Variants in TAF2 observed in about 807,000 individuals in gnomAD.
TAF2 encodes the protein TATA-box binding protein associated factor 2.
TAF2 carries 61 observed loss-of-function variants against 138.5 expected under a neutral mutation model. The ratio of observed to expected loss-of-function variants is 0.44; its 90% CI spans 0.36 to 0.54. The LOEUF (loss-of-function observed/expected upper bound fraction) is 0.54. Among genes scored for constraint, TAF2 ranks in the 20% least tolerant of loss-of-function variants. The probability of loss-of-function intolerance (pLI) is 0.00; values close to 1 mark genes in which losing one functional copy is unlikely to be tolerated. For synonymous variants in TAF2, 475 were observed against 469.9 expected, an observed-to-expected ratio of 1.01 and a Z score of -0.14; for missense variants, 1,090 against 1,427.9, an observed-to-expected ratio of 0.76 and a Z score of 3.81.
At chr8:119,782,099 T>C (rs1161840272) in intron 16 of TAF2, among the ~76,000 whole-genome samples, 1 of 152,226 alleles carries the variant, frequency 6.6e-6, no homozygotes, top group Non-Finnish European at 1.5e-5. Flanking sequence ...GAATAGTCTG[T>C]CTTTATTCGT....
chr8:119,744,549 G>A (rs569268512), intron 23 of TAF2, 156 bp from the exon 24 acceptor site: 32 of 680,734 alleles, frequency 4.7e-5, no homozygotes, highest in Non-Finnish European at 7.4e-5. Flanking sequence ...GATATTAAGA[G>A]AAAGAAAAGA....
In TAF2 at chr8:119,795,389, C is replaced by T. The variant is rs563128232; in HGVS notation, c.1191+143G>A. 2.7e-4 allele frequency: 208 copies of T among 764,242 alleles called. 1 individual carries two copies. The African/African-American group carries it at 3.2e-3, about 12-fold the overall frequency. The allele number at this position is 764,242 out of a possible 1,614,324, so 47.3% of individuals were successfully genotyped here. Reference sequence around the variant, plus strand: ...GACAATGGAGATTAGATAAAATAGACCATTAGTCTTTCTCAGTAAATCAAT... The same window carrying T: ...GACAATGGAGATTAGATAAAATAGATCATTAGTCTTTCTCAGTAAATCAAT... On this transcript the variant is annotated intron_variant, in intron 9 of 25. Coordinates refer to ENST00000378164, the MANE Select transcript of TAF2 (RefSeq NM_003184.4).
At chr8:119,809,803 T>C (rs1408257847) in intron 3 of TAF2, among the ~76,000 whole-genome samples, 2 of 152,072 alleles carry the variant, frequency 1.3e-5, no homozygotes, top group Non-Finnish European at 2.9e-5. Flanking sequence ...ATCTGTGGCG[T>C]CCCCAAAACA....
At chr8:119,817,405 C>G (rs1825549595) in intron 3 of TAF2, among the ~76,000 whole-genome samples, 1 of 152,130 alleles carries the variant, frequency 6.6e-6, no homozygotes, top group Non-Finnish European at 1.5e-5. Flanking sequence ...AGGTCGCACA[C>G]TACTTATGAG....
At chr8:119,782,397 G>A (rs543324809) in intron 16 of TAF2, among the ~76,000 whole-genome samples, 36 of 152,246 alleles carry the variant, frequency 2.4e-4, no homozygotes, top group African/African-American at 8.7e-4. Flanking sequence ...GGATCACAAA[G>A]ATCTTTATAG....
intron 18 of TAF2, among the ~76,000 whole-genome samples, chr8:119,774,960 A>AC: frequency 6.6e-6 from 1 of 150,954 alleles, no homozygotes; most frequent in East Asian, 1.9e-4. Context: ...CTAACATGAC[A>AC]AAAAAAAAGG....
rs79970499 is a variant in TAF2, at chr8:119,818,899, T to C, written c.299+447A>G. 5.3e-3 allele frequency among the ~76,000 whole-genome samples: 801 copies of C among 152,272 alleles called. 10 individuals carry two copies. Among genetic ancestry groups the C allele is most frequent in the African/African-American group, 0.018 (764 of 41,556 alleles). On this transcript the variant is annotated intron_variant, in intron 3 of 25. Coordinates refer to ENST00000378164, the MANE Select transcript of TAF2 (RefSeq NM_003184.4). ...TCTAAGGTGAAGAAACGAGCTACTTTAGACCTAATATGTTTATAAGATAGT... is the reference window on the plus strand; with the variant it reads ...TCTAAGGTGAAGAAACGAGCTACTTCAGACCTAATATGTTTATAAGATAGT...
chr8:119,797,601 A>G, intron 7 of TAF2, 61 bp downstream of exon 7: 2 of 1,514,958 alleles, frequency 1.3e-6, no homozygotes, highest in South Asian at 2.3e-5. Context: ...CCGCAAAATC[A>G]GTAAATTTTC....
intron 5 of TAF2, 42 bp downstream of exon 5, chr8:119,803,836 A>G: frequency 6.4e-7 from 1 of 1,562,372 alleles, no homozygotes; most frequent in Non-Finnish European, 8.7e-7. Context: ...TAAAAAATGC[A>G]ATTTAAAAAT....
chr8:119,742,218 A>G (rs1819642615), intron 25 of TAF2, among the ~76,000 whole-genome samples: 1 of 152,206 alleles, frequency 6.6e-6, no homozygotes. Context: ...GCAAAGAAAG[A>G]GCAAAATGTT....
intron 18 of TAF2, among the ~76,000 whole-genome samples, chr8:119,773,910 G>A (rs962028685): frequency 2.0e-5 from 3 of 151,668 alleles, no homozygotes; most frequent in East Asian, 1.9e-4. Flanking sequence ...GATGGCTCAC[G>A]CCTCTAATCC....
At chr8:119,782,079 CTT>C (rs1346117847) in intron 16 of TAF2, among the ~76,000 whole-genome samples, 9 of 152,140 alleles carry the variant, frequency 5.9e-5, no homozygotes, top group Non-Finnish European at 1.2e-4. Flanking sequence ...ATGCAAAAGA[CTT>C]ATATTTTGAA....
intron 3 of TAF2, among the ~76,000 whole-genome samples, chr8:119,812,325 ATT>A (rs35553888): frequency 6.2e-5 from 9 of 145,330 alleles, no homozygotes; most frequent in Non-Finnish European, 3.0e-5. Flanking sequence ...TTGCTGCCTC[ATT>A]TTTTTTTTTT....
chr8:119,813,373 T>C (rs1825230553), intron 3 of TAF2, among the ~76,000 whole-genome samples: 1 of 152,218 alleles, frequency 6.6e-6, no homozygotes, highest in Admixed American at 6.5e-5. Context: ...CTTATGGGTG[T>C]TAGGTGATTC....
chr8:119,805,014 A>G (rs1009399564), intron 4 of TAF2, among the ~76,000 whole-genome samples: 10 of 152,188 alleles, frequency 6.6e-5, no homozygotes, highest in Admixed American at 5.9e-4. Context: ...AATTAGGGTA[A>G]GTTCCTCCAC....
chr8:119,760,951 TA>T (rs1333371078), intron 19 of TAF2, among the ~76,000 whole-genome samples: 5 of 149,942 alleles, frequency 3.3e-5, no homozygotes, highest in African/African-American at 1.3e-4. Context: ...AAGCTAAAAT[TA>T]ATTTATCACT....
chr8:119,799,175 T>C (rs1223971577), intron 6 of TAF2, among the ~76,000 whole-genome samples: 3 of 152,170 alleles, frequency 2.0e-5, no homozygotes, highest in Non-Finnish European at 4.4e-5. Flanking sequence ...TCATTTTTTA[T>C]TATACTTTAA....
At chr8:119,764,270 G>A (rs73702609) in intron 18 of TAF2, among the ~76,000 whole-genome samples, 19,633 of 152,142 alleles carry the variant, frequency 0.13, 2,272 homozygotes, top group African/African-American at 0.31. Context: ...CTTATTATTA[G>A]TGTTACCTAT....
At chr8:119,744,504 T>C (rs1460488282) in intron 23 of TAF2, 111 bp from the exon 24 acceptor site, 1 of 853,292 alleles carries the variant, frequency 1.2e-6, no homozygotes, top group Non-Finnish European at 2.0e-6. Flanking sequence ...TACCCCCATA[T>C]AATCTTAAAA....
Sources: gnomAD v4.1 joint callset for allele counts (sites outside exome capture counted in the v4.1 genomes callset) on GRCh38, gnomAD v4.1.1 for gene constraint, MANE v1.5 for transcripts, NCBI Gene and HGNC (gene_info 2026-07-23, HGNC 2026-07-21) for gene names.